The following ARPIN variants were observed in gnomAD, a reference collection of about 807,000 sequenced individuals.
The protein encoded by ARPIN is UPF0552 protein C15orf38.
Under a neutral mutation model 25.9 loss-of-function variants are expected in ARPIN, and 23 were observed. The observed-to-expected ratio is 0.89, with a 90% CI of 0.64 to 1.26. ARPIN has a LOEUF of 1.26. ARPIN is among the 50% of genes most tolerant of loss of function. ARPIN has a pLI of 0.00. For missense variants in ARPIN, 333 were observed against 312.2 expected, an observed-to-expected ratio of 1.07 and a Z score of -0.50; for synonymous variants, 126 against 131.4, an observed-to-expected ratio of 0.96 and a Z score of 0.28.
Position 89,912,795 on chromosome 15 carries a change from G to T in ARPIN, c.41C>A (p.Ala14Glu), listed in dbSNP as rs1420780489. The change falls in exon 1 of 6, where the codon GCG (alanine) becomes GAG (glutamate). Residue 14 changes from alanine (A) to glutamate (E), a missense_variant. Transcript: ENST00000357484. The stretch of plus-strand genomic sequence containing the variant: ...CCCTGGCAGCCGGACGCTCTGCACC[G>T]CCTTGTTCCGGAGCGCGCCGTCGTG... Reference protein sequence around the residue: ...IYHDGALRNKAVQSVRLPGAW... With the variant: ...IYHDGALRNKEVQSVRLPGAW... The T allele has an allele frequency of 6.6e-7, 1 of 1,525,136 alleles. No individual in the cohort carries two copies. Among genetic ancestry groups the T allele is most frequent in the Non-Finnish European group, 8.8e-7 (1 of 1,141,096 alleles). The allele number at this position is 1,525,136 out of a possible 1,614,324, so 94.5% of individuals were successfully genotyped here.
In ARPIN at chr15:89,895,877, T is replaced by C. The variant is rs1896922707; in HGVS notation, c.*5918A>G. The C allele has an allele frequency of 8.0e-6, 1 of 124,712 alleles. No individual in the cohort carries two copies. Among genetic ancestry groups the C allele is most frequent in the Non-Finnish European group, 1.7e-5 (1 of 58,796 alleles). 7.7% of individuals were successfully genotyped at this position (124,712 alleles called of 1,614,324 possible). ...CAAACCGCCACCACGCCTAGTCCAG[T>C]TTTTTGTTTGTTTGTTTGTTTGTTT... is the stretch of plus-strand genomic sequence containing the variant. On this transcript the variant is annotated 3_prime_UTR_variant, in exon 6 of 6. Coordinates refer to ENST00000357484, the MANE Select transcript of ARPIN (RefSeq NM_182616.4).
chr15:89,903,742 G>T (rs1174181423), intron 4 of ARPIN, 35 bp downstream of exon 4: 1 of 1,611,182 alleles, frequency 6.2e-7, no homozygotes, highest in African/African-American at 1.3e-5. Flanking sequence ...GGCCACACAG[G>T]AACAGTGGGC....
rs1258022535 is a variant in ARPIN at position 89,897,577 on chromosome 15, A to C, written c.*4218T>G. ...CATAGTGTTACAACAACTACCTACAAGCATTACAGATGTTTCAGAATTTGT... is the reference window on the plus strand; with the variant it reads ...CATAGTGTTACAACAACTACCTACACGCATTACAGATGTTTCAGAATTTGT... On this transcript the variant is annotated 3_prime_UTR_variant, in exon 6 of 6. Coordinates refer to ENST00000357484, the MANE Select transcript of ARPIN (RefSeq NM_182616.4). 1 of 152,212 alleles carries C rather than the reference A, an allele frequency of 6.6e-6. No homozygotes were observed. The highest frequency in any genetic ancestry group is 1.9e-4 in the East Asian group (1 of 5,198). The allele number at this position is 152,212 out of a possible 1,614,324, so 9.4% of individuals were successfully genotyped here.
chr15:89,903,403 T>C lies in ARPIN; in HGVS notation c.509-24A>G, dbSNP rs199616316. On this transcript the variant is annotated intron_variant, in intron 4 of 5. Transcript: ENST00000357484. ...ATCTGAAAGAAGAGATGAAATTGAA[T>C]GTCCTCTGTCCCTGTGGCAGAAACA... The C allele has an allele frequency of 3.9e-5, 63 of 1,613,796 alleles. No homozygotes were observed. In the African/African-American group the frequency reaches 6.3e-4, roughly 16 times the overall value.
chr15:89,910,936 G>A lies in ARPIN; in HGVS notation c.93-117C>T, dbSNP rs578184670. On this transcript the variant is annotated intron_variant, in intron 1 of 5. Transcript: ENST00000357484. The stretch of plus-strand genomic sequence containing the variant: ...TGGGTACTGAGCAGCTCCTTTCCCC[G>A]TGCTTCCGACATAGGGATCTCCAAA... 3.6e-5 allele frequency: 45 copies of A among 1,241,334 alleles called. No individual in the cohort carries two copies. The Admixed American group carries it at 4.2e-4, about 11-fold the overall frequency. The allele number at this position is 1,241,334 out of a possible 1,614,324, so 76.9% of individuals were successfully genotyped here. A position where few individuals can be genotyped will look rare whatever the true frequency, so the allele number is the denominator to read the frequency against.
At position 89,910,835 on chromosome 15, in the gene ARPIN, A is replaced by G; in HGVS notation, c.93-16T>C. 1 of 1,613,870 alleles carries G rather than the reference A, an allele frequency of 6.2e-7. No homozygotes were observed. The highest frequency in any genetic ancestry group is 8.5e-7 in the Non-Finnish European group (1 of 1,179,864). On this transcript the variant is annotated splice_polypyrimidine_tract_variant and intron_variant, in intron 1 of 5. Transcript: ENST00000357484. Reference sequence around the variant, plus strand: ...ACCATTTCCCCTGGGGATGAAAGGGAAAGAAAGGATAGCCAGTTTTGTCAG... The same window carrying G: ...ACCATTTCCCCTGGGGATGAAAGGGGAAGAAAGGATAGCCAGTTTTGTCAG...
At chr15:89,912,423 T>C (rs1055579950) in intron 1 of ARPIN, 5 of 1,165,680 alleles carry the variant, frequency 4.3e-6, no homozygotes, top group South Asian at 5.8e-5. Context: ...CTGGAGTTTA[T>C]AGTTACGCGG....
intron 3 of ARPIN, 21 bp from the exon 4 acceptor site, chr15:89,904,004 AG>A (rs775672791): frequency 1.2e-5 from 19 of 1,588,022 alleles, no homozygotes; most frequent in African/African-American, 5.4e-5. Context: ...AGAGCGCAGG[AG>A]GGTCATTATC....
chr15:89,907,966 A>G (rs1028223735), intron 3 of ARPIN, among the ~76,000 whole-genome samples: 3 of 152,278 alleles, frequency 2.0e-5, no homozygotes, highest in African/African-American at 7.2e-5. Context: ...GAGACCGCCT[A>G]GGGCCTGGCC....
intron 2 of ARPIN, among the ~76,000 whole-genome samples, chr15:89,909,404 A>G (rs990181236): frequency 6.6e-6 from 1 of 152,160 alleles, no homozygotes; most frequent in Non-Finnish European, 1.5e-5. Context: ...AGCTGTAGGA[A>G]TAATATTAAA....
Position 89,912,934 on chromosome 15 carries a change from A to G in ARPIN, c.-99T>C. 5.8e-6 allele frequency: 8 copies of G among 1,379,320 alleles called. No individual in the cohort carries two copies. The highest frequency in any genetic ancestry group is 3.0e-5 in the East Asian group (1 of 33,174). The allele number at this position is 1,379,320 out of a possible 1,614,324, so 85.4% of individuals were successfully genotyped here. ...GGACGCGCGGGGACCCGCGATTCCCAGCCGGCGGATCCGGGAATGGCGCGG... is the reference window on the plus strand; with the variant it reads ...GGACGCGCGGGGACCCGCGATTCCCGGCCGGCGGATCCGGGAATGGCGCGG... On this transcript the variant is annotated 5_prime_UTR_variant, in exon 1 of 6. Transcript: ENST00000357484.
rs1236117099 is a variant in ARPIN at position 89,898,124 on chromosome 15, A to AG, written c.*3670_*3671insC. 1 of 152,222 alleles carries AG rather than the reference A, an allele frequency of 6.6e-6. No individual in the cohort carries two copies. The highest frequency in any genetic ancestry group is 1.9e-4 in the East Asian group (1 of 5,208). 9.4% of individuals were successfully genotyped at this position (152,222 alleles called of 1,614,324 possible). A position where few individuals can be genotyped will look rare whatever the true frequency, so the allele number is the denominator to read the frequency against. On this transcript the variant is annotated 3_prime_UTR_variant, in exon 6 of 6. Transcript: ENST00000357484. ...GCGAAATTCCATCTCAAAAAAAAAA[A>AG]AAAGAAAGAAAGAAAATTTCCCATA... is the stretch of plus-strand genomic sequence containing the variant.
At chr15:89,903,486 T>C in intron 4 of ARPIN, 107 bp from the exon 5 acceptor site, 1 of 1,544,326 alleles carries the variant, frequency 6.5e-7, no homozygotes, top group Non-Finnish European at 8.8e-7. Context: ...AACCACTGTT[T>C]TCTCCAGGCA....
At chr15:89,907,226 C>T (rs1200033684) in intron 3 of ARPIN, among the ~76,000 whole-genome samples, 3 of 151,850 alleles carry the variant, frequency 2.0e-5, no homozygotes, top group Non-Finnish European at 4.4e-5. Flanking sequence ...CGCCACCATG[C>T]CCAGCTAATT....
At chr15:89,906,823 T>C (rs1897127745) in intron 3 of ARPIN, among the ~76,000 whole-genome samples, 1 of 152,008 alleles carries the variant, frequency 6.6e-6, no homozygotes, top group African/African-American at 2.4e-5. Context: ...GGTTGGAATG[T>C]ATCCCCCAAA....
At chr15:89,908,823 A>T (rs559424490) in intron 2 of ARPIN, among the ~76,000 whole-genome samples, 13 of 152,212 alleles carry the variant, frequency 8.5e-5, no homozygotes, top group African/African-American at 3.1e-4. Flanking sequence ...CTCCATCAAA[A>T]ATATAAAAAA....
At chr15:89,908,190 C>G in intron 3 of ARPIN, 90 bp downstream of exon 3, 1 of 1,567,882 alleles carries the variant, frequency 6.4e-7, no homozygotes, top group Non-Finnish European at 8.7e-7. Flanking sequence ...GCTGAAGAGA[C>G]ACTTTCCAGG....
At position 89,903,823 on chromosome 15, in the gene ARPIN, CA is replaced by C; in HGVS notation, c.461del (p.Leu154ArgfsTer7). ...ESEMEVMELELGAGVRLKTRG... is the reference protein window; with the variant it reads ...ESEMEVMELEXGAGVRLKTRG... ...GAGTCTTCAGCCGTACCCCGGCCCC[CA>C]GCTCGAGTTCCATCACCTCCATCTC... On this transcript the variant is annotated frameshift_variant, in exon 4 of 6. Coordinates refer to ENST00000357484, the MANE Select transcript of ARPIN (RefSeq NM_182616.4). LOFTEE classifies it high-confidence loss of function. 6.2e-7 allele frequency: 1 copy of C among 1,614,220 alleles called. No homozygotes were observed. Among genetic ancestry groups the C allele is most frequent in the East Asian group, 2.2e-5 (1 of 44,888 alleles).
At chr15:89,912,663 T>TGGCCC in intron 1 of ARPIN, 81 bp downstream of exon 1, 8 of 871,104 alleles carry the variant, frequency 9.2e-6, no homozygotes, top group Non-Finnish European at 9.8e-6. Flanking sequence ...CCCACCCGCA[T>TGGCCC]CCCACCCCCC....
Sources: allele counts gnomAD v4.1 joint callset (sites outside exome capture counted in the v4.1 genomes callset), GRCh38; gene constraint gnomAD v4.1.1; transcripts MANE v1.5; gene names NCBI Gene and HGNC (gene_info 2026-07-23, HGNC 2026-07-21).